The following OPCML variants were observed in gnomAD, a reference collection of about 807,000 sequenced individuals.
The protein encoded by OPCML is opioid-binding protein/cell adhesion molecule.
Under a neutral mutation model 37.8 loss-of-function variants are expected in OPCML, and 13 were observed. That is an observed-to-expected ratio of 0.34 (90% CI 0.22 to 0.55). The LOEUF is 0.55. Among genes scored for constraint, OPCML ranks in the 20% least tolerant of loss-of-function variants. The pLI is 0.91. For synonymous variants in OPCML, 176 were observed against 168.8 expected, an observed-to-expected ratio of 1.04 and a Z score of -0.33; for missense variants, 341 against 435.6, an observed-to-expected ratio of 0.78 and a Z score of 1.93.
At chr11:133,435,499 C>G (rs1107580) in intron 1 of OPCML, among the ~76,000 whole-genome samples, 21,710 of 152,160 alleles carry the variant, frequency 0.14, 1,751 homozygotes, top group African/African-American at 0.21. Flanking sequence ...GAGGAGATAA[C>G]TGAGGAATAT....
chr11:132,939,893 T>G (rs915400241), intron 2 of OPCML, among the ~76,000 whole-genome samples: 1 of 152,210 alleles, frequency 6.6e-6, no homozygotes, highest in Admixed American at 6.5e-5. Context: ...TTTGTAATAA[T>G]GAATTCAAAT....
At chr11:132,715,813 G>A (rs907756698) in intron 2 of OPCML, among the ~76,000 whole-genome samples, 2 of 152,090 alleles carry the variant, frequency 1.3e-5, no homozygotes, top group African/African-American at 4.8e-5. Flanking sequence ...AATTGACTGA[G>A]ACACCCCCCA....
intron 4 of OPCML, among the ~76,000 whole-genome samples, chr11:132,491,498 T>A (rs1447101649): frequency 5.3e-5 from 8 of 152,238 alleles, no homozygotes; most frequent in Admixed American, 2.0e-4. Flanking sequence ...GACCACCTCA[T>A]CTCAGTCAGG....
At chr11:132,575,304 C>T (rs1028981273) in intron 3 of OPCML, among the ~76,000 whole-genome samples, 1 of 151,950 alleles carries the variant, frequency 6.6e-6, no homozygotes, top group Non-Finnish European at 1.5e-5. Flanking sequence ...TATTTTAGTA[C>T]TATAGTTCTT....
At chr11:132,725,996 C>T (rs1285282533) in intron 2 of OPCML, among the ~76,000 whole-genome samples, 2 of 152,178 alleles carry the variant, frequency 1.3e-5, no homozygotes, top group African/African-American at 2.4e-5. Context: ...TTGCTATCAA[C>T]ATTTTGGGCA....
At chr11:132,964,801 C>T (rs958303040) in intron 1 of OPCML, among the ~76,000 whole-genome samples, 1 of 152,090 alleles carries the variant, frequency 6.6e-6, no homozygotes, top group Non-Finnish European at 1.5e-5. Context: ...TAGATTCTAT[C>T]GTTCCTTTAT....
rs1945327124 is a variant in OPCML at position 132,935,099 on chromosome 11, A to T, written c.146+7827T>A. ...GGTTGCGGTGAGCCAAGATCGCACC[A>T]TTGCACTCCAGCCTGGGTAACAAGA... On this transcript the variant is annotated intron_variant, in intron 2 of 7. Transcript: ENST00000524381. 2.6e-5 allele frequency among the ~76,000 whole-genome samples: 4 copies of T among 151,260 alleles called. No individual in the cohort carries two copies. The South Asian group carries it at 8.4e-4, about 32-fold the overall frequency.
intron 3 of OPCML, among the ~76,000 whole-genome samples, chr11:132,615,433 T>A (rs1387539592): frequency 6.6e-6 from 1 of 152,196 alleles, no homozygotes; most frequent in Non-Finnish European, 1.5e-5. Flanking sequence ...GAGGGTTGAA[T>A]GAAGTAGAGT....
intron 1 of OPCML, among the ~76,000 whole-genome samples, chr11:133,179,322 T>C (rs1016277460): frequency 1.3e-5 from 2 of 152,126 alleles, no homozygotes; most frequent in South Asian, 2.1e-4. Flanking sequence ...TCTAGGATAA[T>C]AGACATCTCA....
chr11:133,366,400 C>A (rs1163750348), intron 1 of OPCML, among the ~76,000 whole-genome samples: 4 of 152,140 alleles, frequency 2.6e-5, no homozygotes, highest in Non-Finnish European at 1.5e-5. Flanking sequence ...GGAAGTATGG[C>A]CCGAACTAAA....
chr11:133,359,932 C>G (rs1018842698), intron 1 of OPCML: 5 of 152,216 alleles, frequency 3.3e-5, no homozygotes, highest in African/African-American at 1.2e-4. Flanking sequence ...ATTTCTGTAT[C>G]TGTTCCACAA....
chr11:132,539,729 GATA>G lies in OPCML; in HGVS notation c.380-10546_380-10544del, dbSNP rs1327095982. ...TAATGGTTATGGTGATGATGATGGTGATAATGATGGTGATGGTGATGATAATGG... is the reference window on the plus strand; with the variant it reads ...TAATGGTTATGGTGATGATGATGGTGATGATGGTGATGGTGATGATAATGG... On this transcript the variant is annotated intron_variant, in intron 3 of 7. Coordinates refer to ENST00000524381, the MANE Select transcript of OPCML (RefSeq NM_001012393.5). Among the ~76,000 whole-genome samples, 33 of 152,164 alleles carry G rather than the reference GATA, an allele frequency of 2.2e-4. No homozygotes were observed. The East Asian group carries it at 6.0e-3, about 28-fold the overall frequency.
At position 132,792,020 on chromosome 11, in the gene OPCML, G is replaced by T. The variant is rs187058845; in HGVS notation, c.147-134701C>A. On this transcript the variant is annotated intron_variant, in intron 2 of 7. Coordinates refer to ENST00000524381, the MANE Select transcript of OPCML (RefSeq NM_001012393.5). ...TGAATAAAAGCCAGACCTTGATTCT[G>T]CATCCAAATGTCCCCTCATCAGAGA... Among the ~76,000 whole-genome samples, 10 of 152,340 alleles carry T rather than the reference G, an allele frequency of 6.6e-5. No individual in the cohort carries two copies. In the East Asian group the frequency reaches 1.7e-3, roughly 26 times the overall value.
At chr11:133,225,969 C>T (rs1012336090) in intron 1 of OPCML, among the ~76,000 whole-genome samples, 20 of 152,304 alleles carry the variant, frequency 1.3e-4, no homozygotes, top group Non-Finnish European at 2.5e-4. Flanking sequence ...CTATGAAGCA[C>T]GTATTATTAG....
intron 1 of OPCML, among the ~76,000 whole-genome samples, chr11:133,391,467 G>A (rs1482057845): frequency 6.6e-6 from 1 of 152,154 alleles, no homozygotes; most frequent in Non-Finnish European, 1.5e-5. Context: ...GTATTAGGAA[G>A]CAAAAAGCCT....
At position 132,665,541 on chromosome 11, in the gene OPCML, C is replaced by T. The variant is rs1031226642; in HGVS notation, c.147-8222G>A. Reference sequence around the variant, plus strand: ...AAGAGGCAGAAATTGCTTACAACTACAGAAGTGGGGTTAAACTGCTTGGCT... The same window carrying T: ...AAGAGGCAGAAATTGCTTACAACTATAGAAGTGGGGTTAAACTGCTTGGCT... On this transcript the variant is annotated intron_variant, in intron 2 of 7. Transcript: ENST00000524381. Among the ~76,000 whole-genome samples, 10 of 152,160 alleles carry T rather than the reference C, an allele frequency of 6.6e-5. No homozygotes were observed. The South Asian group carries it at 1.7e-3, about 25-fold the overall frequency.
chr11:132,811,740 C>G lies in OPCML; in HGVS notation c.146+131186G>C, dbSNP rs184220892. Among the ~76,000 whole-genome samples the G allele has an allele frequency of 2.6e-5, 4 of 152,240 alleles. No homozygotes were observed. The South Asian group carries it at 8.3e-4, about 32-fold the overall frequency. On this transcript the variant is annotated intron_variant, in intron 2 of 7. Coordinates refer to ENST00000524381, the MANE Select transcript of OPCML (RefSeq NM_001012393.5). ...GAAATTAATAAGAGCCTTAATCACT[C>G]AGAGACTGGAAAGGTCACTGCTCAC... is the stretch of plus-strand genomic sequence containing the variant.
At chr11:133,053,868 A>G (rs1948175211) in intron 1 of OPCML, among the ~76,000 whole-genome samples, 1 of 152,092 alleles carries the variant, frequency 6.6e-6, no homozygotes, top group African/African-American at 2.4e-5. Flanking sequence ...AACCATCCAC[A>G]TGGCAACTTC....
rs537786683 is a variant in OPCML at position 133,497,628 on chromosome 11, G to A, written c.61+34636C>T. Among the ~76,000 whole-genome samples, 23 of 152,212 alleles carry A rather than the reference G, an allele frequency of 1.5e-4. No homozygotes were observed. The East Asian group carries it at 4.1e-3, about 27-fold the overall frequency. On this transcript the variant is annotated intron_variant, in intron 1 of 7. Coordinates refer to ENST00000524381, the MANE Select transcript of OPCML (RefSeq NM_001012393.5). Reference sequence around the variant, plus strand: ...CTTGTTAACAGCATTTCTCCTTTGGGCCCTCATGCCTCTGGCTTTGAGTAT... The same window carrying A: ...CTTGTTAACAGCATTTCTCCTTTGGACCCTCATGCCTCTGGCTTTGAGTAT...
Sources: gnomAD v4.1 joint callset for allele counts (sites outside exome capture counted in the v4.1 genomes callset) on GRCh38, gnomAD v4.1.1 for gene constraint, MANE v1.5 for transcripts, NCBI Gene and HGNC (gene_info 2026-07-23, HGNC 2026-07-21) for gene names.